RNLS: variants seen among roughly 807,000 people sequenced by gnomAD.
RNLS encodes the protein renalase.
RNLS carries 39 observed loss-of-function variants against 39.8 expected under a neutral mutation model. The observed-to-expected ratio is 0.98, with a 90% CI of 0.76 to 1.28. RNLS has a LOEUF of 1.28. Ranked by LOEUF, RNLS falls within the 50% of genes most tolerant of loss-of-function variation. The pLI is 0.00. For missense variants in RNLS, 410 were observed against 413.3 expected (o/e 0.99, Z 0.07); for synonymous variants, 147 against 150.7 (o/e 0.98, Z 0.18).
At chr10:88,404,918 C>CA (rs1488921940) in intron 4 of RNLS, among the ~76,000 whole-genome samples, 1 of 152,002 alleles carries the variant, frequency 6.6e-6, no homozygotes, top group Non-Finnish European at 1.5e-5. Flanking sequence ...AGGGAAACTA[C>CA]AAAAACAATT....
chr10:88,376,317 G>C (rs1316613315), intron 4 of RNLS, among the ~76,000 whole-genome samples: 2 of 151,972 alleles, frequency 1.3e-5, no homozygotes, highest in East Asian at 3.9e-4. Flanking sequence ...AGTGAAAAAA[G>C]GAGAAAATAA....
intron 4 of RNLS, among the ~76,000 whole-genome samples, chr10:88,566,799 T>A (rs1244446920): frequency 6.6e-6 from 1 of 152,038 alleles, no homozygotes; most frequent in African/African-American, 2.4e-5. Context: ...AAATAAATCT[T>A]CCAATAAGTA....
intron 3 of RNLS, among the ~76,000 whole-genome samples, chr10:88,574,827 C>A (rs146876959): frequency 2.6e-4 from 39 of 152,116 alleles, no homozygotes; most frequent in Admixed American, 3.9e-4. Context: ...ACTTTCAACA[C>A]ATATCCACCA....
At chr10:88,361,519 T>A (rs558983025) in intron 5 of RNLS, among the ~76,000 whole-genome samples, 1 of 152,232 alleles carries the variant, frequency 6.6e-6, no homozygotes, top group Non-Finnish European at 1.5e-5. Flanking sequence ...AAATAGTCCA[T>A]TGAAGTTCTA....
chr10:88,457,971 T>A (rs983573243), intron 4 of RNLS, among the ~76,000 whole-genome samples: 43 of 152,260 alleles, frequency 2.8e-4, no homozygotes, highest in African/African-American at 1.0e-3. Context: ...TCCTGGAGAG[T>A]TTGAGGTCAG....
intron 4 of RNLS, among the ~76,000 whole-genome samples, chr10:88,465,970 G>A (rs907849344): frequency 6.6e-6 from 1 of 152,016 alleles, no homozygotes; most frequent in South Asian, 2.1e-4. Context: ...TTGAAACCCT[G>A]GGGCAGAGCT....
chr10:88,210,724 G>A, the RNLS span, among the ~76,000 whole-genome samples: 5,085 of 152,264 alleles, frequency 0.033, 104 homozygotes, highest in Non-Finnish European at 0.052. Context: ...TTCCAGTGGA[G>A]TTGAGCTTGA....
chr10:88,524,362 A>G (rs1203956214), intron 4 of RNLS, among the ~76,000 whole-genome samples: 1 of 152,164 alleles, frequency 6.6e-6, no homozygotes, highest in Non-Finnish European at 1.5e-5. Context: ...CATCTAGCAT[A>G]ATATAGTAAG....
At chr10:88,305,208 T>A (rs1349409069) in intron 6 of RNLS, among the ~76,000 whole-genome samples, 1 of 152,098 alleles carries the variant, frequency 6.6e-6, no homozygotes, top group Non-Finnish European at 1.5e-5. Flanking sequence ...TAGGAAGCAC[T>A]AAATATGGAA....
At chr10:88,572,386 TA>T (rs3214658) in intron 4 of RNLS, among the ~76,000 whole-genome samples, 54,092 of 152,038 alleles carry the variant, frequency 0.36, 10,340 homozygotes, top group African/African-American at 0.48. Context: ...GTTCCTTTAT[TA>T]AAATTTGGCT....
At chr10:88,272,028 G>A (rs547097772), downstream of RNLS, among the ~76,000 whole-genome samples, 2 of 152,274 alleles carry the variant, frequency 1.3e-5, no homozygotes, top group South Asian at 4.1e-4. Flanking sequence ...AAAGGAAGTG[G>A]CATTATAGCA....
rs993684647 is a variant in RNLS at position 88,314,657 on chromosome 10, A to G, written c.701-16T>C. 1.2e-6 allele frequency: 2 copies of G among 1,605,828 alleles called. No individual in the cohort carries two copies. The highest frequency in any genetic ancestry group is 1.7e-6 in the Non-Finnish European group (2 of 1,175,064). On this transcript the variant is annotated splice_polypyrimidine_tract_variant and intron_variant, in intron 5 of 6. Transcript: ENST00000331772. ...TCTGATGACTCTGTGGCATAAGAGG[A>G]TCATAAAGATGCATCTTAAAGTGGG...
chr10:88,479,147 T>C (rs1238445617), intron 4 of RNLS, among the ~76,000 whole-genome samples: 1 of 152,214 alleles, frequency 6.6e-6, no homozygotes, highest in Non-Finnish European at 1.5e-5. Context: ...TTGTATATCC[T>C]AGCATGGCAT....
the RNLS span, among the ~76,000 whole-genome samples, chr10:88,258,004 T>G: frequency 1.3e-5 from 2 of 152,216 alleles, no homozygotes; most frequent in Non-Finnish European, 2.9e-5. Context: ...CACACACCCT[T>G]TCCCCCACAA....
At chr10:88,445,357 C>T (rs1024761321) in intron 4 of RNLS, among the ~76,000 whole-genome samples, 1 of 152,162 alleles carries the variant, frequency 6.6e-6, no homozygotes, top group East Asian at 1.9e-4. Flanking sequence ...CCAGCCACTG[C>T]AAAAACATGC....
chr10:88,445,041 C>A (rs183866015), intron 4 of RNLS, among the ~76,000 whole-genome samples: 1 of 151,846 alleles, frequency 6.6e-6, no homozygotes. Context: ...TTGAAATGAC[C>A]GAAAAAATGT....
chr10:88,357,138 T>G (rs895996814), intron 5 of RNLS, among the ~76,000 whole-genome samples: 1 of 152,238 alleles, frequency 6.6e-6, no homozygotes, highest in African/African-American at 2.4e-5. Flanking sequence ...CCATAAATAC[T>G]TACTTTCTAA....
At position 88,284,313 on chromosome 10, in the gene RNLS, A is replaced by G. The variant is rs1360138920; in HGVS notation, c.*1041T>C. On this transcript the variant is annotated 3_prime_UTR_variant, in exon 7 of 7. Coordinates refer to ENST00000331772, the MANE Select transcript of RNLS (RefSeq NM_001031709.3). ...ACTTTTGTTAGTTTGAGAGGCTGCA[A>G]TGATTTTTCTCCTTTCAAAATGCTG... 5 of 985,242 alleles carry G rather than the reference A, an allele frequency of 5.1e-6. No homozygotes were observed. Among genetic ancestry groups the G allele is most frequent in the Admixed American group, 6.2e-5 (1 of 16,244 alleles). 61.0% of individuals were successfully genotyped at this position (985,242 alleles called of 1,614,324 possible).
the RNLS span, among the ~76,000 whole-genome samples, chr10:88,255,083 G>A: frequency 4.6e-5 from 7 of 152,226 alleles, no homozygotes; most frequent in South Asian, 2.1e-4. Context: ...TTGGTACCTC[G>A]GATGGGCCTA....
Sources: gnomAD v4.1 joint callset for allele counts (sites outside exome capture counted in the v4.1 genomes callset) on GRCh38, gnomAD v4.1.1 for gene constraint, MANE v1.5 for transcripts, NCBI Gene and HGNC (gene_info 2026-07-23, HGNC 2026-07-21) for gene names.